LPCAT4: variants seen among roughly 807,000 people sequenced by gnomAD.
LPCAT4 encodes lysophosphatidylcholine acyltransferase 4.
A neutral mutation model predicts 66.5 loss-of-function variants in LPCAT4; 30 were observed. The ratio of observed to expected loss-of-function variants is 0.45; its 90% CI spans 0.34 to 0.61. The LOEUF is 0.61. LPCAT4 is among the 20% of genes least tolerant of loss of function. LPCAT4 has a pLI of 0.01. For synonymous variants in LPCAT4, 253 were observed against 262.1 expected, an observed-to-expected ratio of 0.97 and a Z score of 0.34; for missense variants, 557 against 656.7, an observed-to-expected ratio of 0.85 and a Z score of 1.66.
rs1427829572 is a variant in LPCAT4, at chr15:34,367,177, A to AGCGGCG, written c.-83_-78dup. The AGCGGCG allele has an allele frequency of 9.5e-6, 12 of 1,267,306 alleles. No homozygotes were observed. The highest frequency in any genetic ancestry group is 8.2e-5 in the Admixed American group (2 of 24,448). The allele number at this position is 1,267,306 out of a possible 1,614,324, so 78.5% of individuals were successfully genotyped here. A position where few individuals can be genotyped will look rare whatever the true frequency, so the allele number is the denominator to read the frequency against. On this transcript the variant is annotated 5_prime_UTR_variant, in exon 1 of 14. Coordinates refer to ENST00000314891, the MANE Select transcript of LPCAT4 (RefSeq NM_153613.3). ...TCTGCAGAGCAGCTGCTGCTGCAGC[A>AGCGGCG]GCGGCGGCGGCGGCGCTCTGGCCCG... is the stretch of plus-strand genomic sequence containing the variant.
At chr15:34,360,239 G>T (rs774202720) in intron 11 of LPCAT4, 30 bp from the exon 12 acceptor site, 1 of 1,571,782 alleles carries the variant, frequency 6.4e-7, no homozygotes, top group Non-Finnish European at 8.8e-7. Flanking sequence ...AGGGCAATGC[G>T]GGGACCCTGC....
At chr15:34,364,743 C>G (rs8039406) in intron 3 of LPCAT4, 52,373 of 422,524 alleles carry the variant, frequency 0.12, 3,972 homozygotes, top group East Asian at 0.29. Flanking sequence ...CGCGAGCCAC[C>G]GTGCCTGGCC....
rs780091972 is a variant in LPCAT4 at position 34,359,577 on chromosome 15, G to T, written c.1399+12C>A. 1 of 1,609,804 alleles carries T rather than the reference G, an allele frequency of 6.2e-7. No individual in the cohort carries two copies. ...CAAGTGCCCGTGTGGGGCTGAGAAG[G>T]CAGTGACTCACAGAGGGAGAGGCCT... On this transcript the variant is annotated intron_variant, in intron 13 of 13. Transcript: ENST00000314891.
rs987751017 is a variant in LPCAT4 at position 34,363,301 on chromosome 15, A to G, written c.746+121T>C. ...AGGGGGAAAGTGGTGTCTCCTCTAG[A>G]GTTCTCTCAGTCCTCAGATGAAGAA... On this transcript the variant is annotated intron_variant, in intron 7 of 13. Coordinates refer to ENST00000314891, the MANE Select transcript of LPCAT4 (RefSeq NM_153613.3). This position sits in a 1 kb window ranked among gnomAD's most constrained non-coding sequence, Gnocchi z 4.3. 2 of 1,072,914 alleles carry G rather than the reference A, an allele frequency of 1.9e-6. No homozygotes were observed. Among genetic ancestry groups the G allele is most frequent in the East Asian group, 4.7e-5 (2 of 42,200 alleles). The allele number at this position is 1,072,914 out of a possible 1,614,324, so 66.5% of individuals were successfully genotyped here.
Position 34,363,211 on chromosome 15 carries a change from AT to A in LPCAT4, c.746+210del, listed in dbSNP as rs1890991188. Among the ~76,000 whole-genome samples, 1 of 152,236 alleles carries A rather than the reference AT, an allele frequency of 6.6e-6. No homozygotes were observed. The highest frequency in any genetic ancestry group is 2.4e-5 in the African/African-American group (1 of 41,474). On this transcript the variant is annotated intron_variant, in intron 7 of 13. Transcript: ENST00000314891. This position sits in a 1 kb window ranked among gnomAD's most constrained non-coding sequence, Gnocchi z 4.3. ...GGAAGATAAATGCATAGCAGCCATAATCACAGCAGGAACAGTTTAGGTGGGA... is the reference window on the plus strand; with the variant it reads ...GGAAGATAAATGCATAGCAGCCATAACACAGCAGGAACAGTTTAGGTGGGA...
intron 13 of LPCAT4, 62 bp from the exon 14 acceptor site, chr15:34,359,364 C>T: frequency 1.4e-6 from 2 of 1,437,856 alleles, no homozygotes; most frequent in Non-Finnish European, 1.8e-6. Flanking sequence ...AATCTCCCTG[C>T]TTTTTTCTCA....
chr15:34,363,559 C>T lies in LPCAT4; in HGVS notation c.711+102G>A, dbSNP rs555765395. 102 of 1,590,210 alleles carry T rather than the reference C, an allele frequency of 6.4e-5. No homozygotes were observed. Among genetic ancestry groups the T allele is most frequent in the Non-Finnish European group, 8.4e-5 (97 of 1,159,086 alleles). On this transcript the variant is annotated intron_variant, in intron 6 of 13. Coordinates refer to ENST00000314891, the MANE Select transcript of LPCAT4 (RefSeq NM_153613.3). This position sits in a 1 kb window ranked among gnomAD's most constrained non-coding sequence, Gnocchi z 4.3. ...GGCCTGATCCCACCTCTGGTCACAG[C>T]CCCCAATGCACATCCCATTAAAGCA...
Position 34,363,511 on chromosome 15 carries a change from T to G in LPCAT4, c.712-55A>C. 1 of 1,611,482 alleles carries G rather than the reference T, an allele frequency of 6.2e-7. No individual in the cohort carries two copies. The highest frequency in any genetic ancestry group is 8.5e-7 in the Non-Finnish European group (1 of 1,177,972). On this transcript the variant is annotated intron_variant, in intron 6 of 13. Transcript: ENST00000314891. This position sits in a 1 kb window ranked among gnomAD's most constrained non-coding sequence, Gnocchi z 4.3. The stretch of plus-strand genomic sequence containing the variant: ...GAGCATTACTTTTTCCCCCTGGAAC[T>G]GGCCAATCACCTTTGAACAGAGGGC...
In LPCAT4 at chr15:34,364,990, C is replaced by T. The variant is rs1481740751; in HGVS notation, c.478+18G>A. Reference sequence around the variant, plus strand: ...CAGAGTTGTCACCCTGCCCTTCACCCCCTTTGAACTCTCTCACCTCCAATG... The same window carrying T: ...CAGAGTTGTCACCCTGCCCTTCACCTCCTTTGAACTCTCTCACCTCCAATG... On this transcript the variant is annotated intron_variant, in intron 3 of 13. Coordinates refer to ENST00000314891, the MANE Select transcript of LPCAT4 (RefSeq NM_153613.3). The T allele has an allele frequency of 1.3e-6, 2 of 1,592,802 alleles. No homozygotes were observed. Among genetic ancestry groups the T allele is most frequent in the East Asian group, 4.5e-5 (2 of 44,514 alleles).
chr15:34,366,319 C>G (rs1891074832), intron 1 of LPCAT4, among the ~76,000 whole-genome samples: 1 of 152,208 alleles, frequency 6.6e-6, no homozygotes, highest in African/African-American at 2.4e-5. Flanking sequence ...GGGGAAGAAG[C>G]AGGTAAGCAA....
intron 3 of LPCAT4, chr15:34,364,647 T>C (rs1409226830): frequency 3.9e-6 from 1 of 257,930 alleles, no homozygotes; most frequent in Non-Finnish European, 7.3e-6. Context: ...AGAGACAGGG[T>C]TTCTCCATGT....
At position 34,365,232 on chromosome 15, in the gene LPCAT4, C is replaced by A. The variant is rs757147906; in HGVS notation, c.258-4G>T. 8 of 1,599,200 alleles carry A rather than the reference C, an allele frequency of 5.0e-6. No individual in the cohort carries two copies. The highest frequency in any genetic ancestry group is 3.6e-5 in the Admixed American group (2 of 55,990). On this transcript the variant is annotated splice_polypyrimidine_tract_variant and splice_region_variant and intron_variant, in intron 2 of 13. Transcript: ENST00000314891. ...CACCCCGTTGTGGCACACAGTCCTG[C>A]CAGGGCAAGGCTGGGTATCAGCGGA...
In LPCAT4 at chr15:34,359,576, G is replaced by A. The variant is rs1191999517; in HGVS notation, c.1399+13C>T. Reference sequence around the variant, plus strand: ...CCAAGTGCCCGTGTGGGGCTGAGAAGGCAGTGACTCACAGAGGGAGAGGCC... The same window carrying A: ...CCAAGTGCCCGTGTGGGGCTGAGAAAGCAGTGACTCACAGAGGGAGAGGCC... On this transcript the variant is annotated intron_variant, in intron 13 of 13. Coordinates refer to ENST00000314891, the MANE Select transcript of LPCAT4 (RefSeq NM_153613.3). 2.5e-6 allele frequency: 4 copies of A among 1,609,902 alleles called. No homozygotes were observed. The highest frequency in any genetic ancestry group is 2.2e-5 in the South Asian group (2 of 90,584).
At position 34,362,421 on chromosome 15, in the gene LPCAT4, C is replaced by G. The variant is rs978559477; in HGVS notation, c.885-100G>C. ...CCCGCTGACTGGAGTAGATCAGGCC[C>G]CTTTAAATCTCCCTGCCTCTGTCTC... On this transcript the variant is annotated intron_variant, in intron 9 of 13. Transcript: ENST00000314891. 15 of 1,489,304 alleles carry G rather than the reference C, an allele frequency of 1.0e-5. No individual in the cohort carries two copies. In the African/African-American group the frequency reaches 1.2e-4, roughly 12 times the overall value. The allele number at this position is 1,489,304 out of a possible 1,614,324, so 92.3% of individuals were successfully genotyped here.
chr15:34,363,915 C>A lies in LPCAT4; in HGVS notation c.652+98G>T. On this transcript the variant is annotated intron_variant, in intron 5 of 13. Transcript: ENST00000314891. This position sits in a 1 kb window ranked among gnomAD's most constrained non-coding sequence, Gnocchi z 4.3. ...TTCCTGGTCTCCCTTCCTCTCCCAT[C>A]CCTCCCCCTCTTCTACTTCTTGGGT... 1 of 1,384,840 alleles carries A rather than the reference C, an allele frequency of 7.2e-7. No homozygotes were observed. The highest frequency in any genetic ancestry group is 1.2e-5 in the South Asian group (1 of 82,274). The allele number at this position is 1,384,840 out of a possible 1,614,324, so 85.8% of individuals were successfully genotyped here.
At position 34,363,715 on chromosome 15, in the gene LPCAT4, G is replaced by C; in HGVS notation, c.657C>G (p.Ala219=). 2 of 1,614,138 alleles carry C rather than the reference G, an allele frequency of 1.2e-6. No homozygotes were observed. Among genetic ancestry groups the C allele is most frequent in the East Asian group, 2.2e-5 (1 of 44,878 alleles). The part of the protein sequence containing the change: ...KKALLKFKPG[A]FIAGVPVQPV... ...GCTGCACAGGCACCCCTGCGATGAA[G>C]GCTCCTAAATCCCATTTCCACCCCC... is the stretch of plus-strand genomic sequence containing the variant. Residue 219 remains alanine, a synonymous_variant, in exon 6 of 14, where the codon GCC becomes GCG. Transcript: ENST00000314891. This position sits in a 1 kb window ranked among gnomAD's most constrained non-coding sequence, Gnocchi z 4.3.
At position 34,363,014 on chromosome 15, in the gene LPCAT4, C is replaced by G. The variant is rs1406823495; in HGVS notation, c.747-178G>C. 7 of 663,122 alleles carry G rather than the reference C, an allele frequency of 1.1e-5. No homozygotes were observed. In the South Asian group the frequency reaches 1.2e-4, roughly 12 times the overall value. 41.1% of individuals were successfully genotyped at this position (663,122 alleles called of 1,614,324 possible). A position where few individuals can be genotyped will look rare whatever the true frequency, so the allele number is the denominator to read the frequency against. ...TGGGTGAATATGCAGTTGGGAGACA[C>G]AAGGAACGGCCAGAAACGCGGTAGG... On this transcript the variant is annotated intron_variant, in intron 7 of 13. Transcript: ENST00000314891. This position sits in a 1 kb window ranked among gnomAD's most constrained non-coding sequence, Gnocchi z 4.3.
rs1890985346 is a variant in LPCAT4, at chr15:34,363,023, G to T, written c.747-187C>A. ...ATGCAGTTGGGAGACACAAGGAACG[G>T]CCAGAAACGCGGTAGGGAAAGAGAG... is the stretch of plus-strand genomic sequence containing the variant. On this transcript the variant is annotated intron_variant, in intron 7 of 13. Transcript: ENST00000314891. This position sits in a 1 kb window ranked among gnomAD's most constrained non-coding sequence, Gnocchi z 4.3. 1.5e-6 allele frequency: 1 copy of T among 645,212 alleles called. No individual in the cohort carries two copies. Among genetic ancestry groups the T allele is most frequent in the Non-Finnish European group, 2.8e-6 (1 of 360,878 alleles). 40.0% of individuals were successfully genotyped at this position (645,212 alleles called of 1,614,324 possible).
At chr15:34,361,317 G>C in intron 11 of LPCAT4, 83 bp downstream of exon 11, 1 of 1,579,062 alleles carries the variant, frequency 6.3e-7, no homozygotes, top group South Asian at 1.2e-5. Context: ...TCCAAACTGT[G>C]AGTGACTGAT....
Sources: gnomAD v4.1 joint callset for allele counts (sites outside exome capture counted in the v4.1 genomes callset) on GRCh38, gnomAD v4.1.1 for gene constraint, Gnocchi (gnomAD v3.1) non-coding constraint, MANE v1.5 for transcripts, NCBI Gene and HGNC (gene_info 2026-07-23, HGNC 2026-07-21) for gene names.